Variants in GRAMD2A observed in about 807,000 individuals in gnomAD.
GRAMD2A encodes GRAM domain containing 2A.
In GRAMD2A, 37 loss-of-function variants were observed where a neutral mutation model predicts 51.1. The observed-to-expected ratio is 0.72, with a 90% CI of 0.56 to 0.95. The LOEUF is 0.95. Ranked by LOEUF, GRAMD2A falls within the 40% of genes least tolerant of loss-of-function variation. GRAMD2A has a pLI of 0.00. For synonymous variants in GRAMD2A, 136 were observed against 157.1 expected (o/e 0.87, Z 1.01); for missense variants, 414 against 426.9 (o/e 0.97, Z 0.27).
At position 72,169,860 on chromosome 15, in the gene GRAMD2A, G is replaced by C. The variant is rs1337633818; in HGVS notation, c.121C>G (p.Pro41Ala). 1 of 1,613,088 alleles carries C rather than the reference G, an allele frequency of 6.2e-7. No individual in the cohort carries two copies. Among genetic ancestry groups the C allele is most frequent in the Admixed American group, 1.7e-5 (1 of 60,028 alleles). ...CKEKPDRVEE[P>A]PDYSLHWPEG... ...AGGGGTCCTCACCTGTAGTCCGGGG[G>C]CTCCTCAACTCTGTCTGGTTTCTCT... The change falls in exon 2 of 12, where the codon CCC (proline) becomes GCC (alanine). Residue 41 changes from proline to alanine, a missense_variant. Pro to Ala is a conservative substitution (Grantham distance 27). Transcript: ENST00000309731.
rs1403528786 is a variant in GRAMD2A, at chr15:72,169,615, G to C, written c.134+232C>G. Reference sequence around the variant, plus strand: ...TTGGCCAGGTTGGCCCAGAGCACAGGTGAGCAGGGAGGAGGCTGGAAACCC... The same window carrying C: ...TTGGCCAGGTTGGCCCAGAGCACAGCTGAGCAGGGAGGAGGCTGGAAACCC... On this transcript the variant is annotated intron_variant, in intron 2 of 11. Transcript: ENST00000309731. 5 of 688,202 alleles carry C rather than the reference G, an allele frequency of 7.3e-6. No homozygotes were observed. The East Asian group carries it at 1.4e-4, about 19-fold the overall frequency. The allele number at this position is 688,202 out of a possible 1,614,324, so 42.6% of individuals were successfully genotyped here. A position where few individuals can be genotyped will look rare whatever the true frequency, so the allele number is the denominator to read the frequency against.
chr15:72,175,518 C>G (rs906233973), intron 1 of GRAMD2A, among the ~76,000 whole-genome samples: 4 of 152,226 alleles, frequency 2.6e-5, no homozygotes, highest in Non-Finnish European at 4.4e-5. Context: ...CCCTTCACAC[C>G]TGCGTGCTTT....
At chr15:72,168,460 G>A (rs768000898) in intron 4 of GRAMD2A, 31 bp downstream of exon 4, 11 of 1,563,340 alleles carry the variant, frequency 7.0e-6, no homozygotes, top group Admixed American at 3.3e-5. Context: ...CACTCTGGGT[G>A]CCTAACCAGC....
intron 1 of GRAMD2A, among the ~76,000 whole-genome samples, chr15:72,182,166 A>G (rs946890184): frequency 1.3e-5 from 2 of 152,074 alleles, no homozygotes; most frequent in Admixed American, 1.3e-4. Flanking sequence ...GGAGTTTGAG[A>G]CTAGCCTGGC....
Position 72,163,407 on chromosome 15 carries a change from G to C in GRAMD2A, c.815C>G (p.Pro272Arg), listed in dbSNP as rs772593288. The C allele has an allele frequency of 1.9e-6, 3 of 1,614,156 alleles. No individual in the cohort carries two copies. The South Asian group carries it at 3.3e-5, about 18-fold the overall frequency. ...RWAWPMPGWGPACPKKMPNCS... is the reference protein window; with the variant it reads ...RWAWPMPGWGRACPKKMPNCS... Reference sequence around the variant, plus strand: ...GTTCGGCATCTTCTTAGGGCAGGCAGGACCCCAGCCTGGCATGGGCCATGC... The same window carrying C: ...GTTCGGCATCTTCTTAGGGCAGGCACGACCCCAGCCTGGCATGGGCCATGC... The change falls in exon 10 of 12, where the codon CCT (proline) becomes CGT (arginine). Residue 272 changes from proline to arginine, a missense_variant. Coordinates refer to ENST00000309731, the MANE Select transcript of GRAMD2A (RefSeq NM_001012642.3).
Position 72,161,858 on chromosome 15 carries a change from A to G in GRAMD2A, c.*151T>C, listed in dbSNP as rs1385349186. 2.6e-6 allele frequency: 2 copies of G among 773,864 alleles called. No individual in the cohort carries two copies. Among genetic ancestry groups the G allele is most frequent in the Non-Finnish European group, 4.6e-6 (2 of 439,534 alleles). The allele number at this position is 773,864 out of a possible 1,614,324, so 47.9% of individuals were successfully genotyped here. A position where few individuals can be genotyped will look rare whatever the true frequency, so the allele number is the denominator to read the frequency against. ...TCAGATCTCTCATAGAGGGAAGAGA[A>G]GAGCTGCGGGGAGGAGGAGGGATCT... On this transcript the variant is annotated 3_prime_UTR_variant, in exon 12 of 12. Transcript: ENST00000309731.
chr15:72,180,338 C>G (rs2081687398), intron 1 of GRAMD2A, among the ~76,000 whole-genome samples: 1 of 152,256 alleles, frequency 6.6e-6, no homozygotes, highest in South Asian at 2.1e-4. Flanking sequence ...TTTTTCTTGG[C>G]AGGCCACTTG....
chr15:72,163,515 A>G, intron 9 of GRAMD2A, 39 bp from the exon 10 acceptor site: 1 of 1,605,680 alleles, frequency 6.2e-7, no homozygotes, highest in Non-Finnish European at 8.5e-7. Flanking sequence ...AGCTCTCAGA[A>G]GCCCTGCTGG....
In GRAMD2A at chr15:72,160,329, G is replaced by A. The variant is rs1367729218; in HGVS notation, c.*1680C>T. 2 of 85,312 alleles carry A rather than the reference G, an allele frequency of 2.3e-5. No individual in the cohort carries two copies. The highest frequency in any genetic ancestry group is 1.3e-3 in the South Asian group (2 of 1,500). The allele number at this position is 85,312 out of a possible 1,614,324, so 5.3% of individuals were successfully genotyped here. ...ACGGATGAAAGGGTGAAAGGGGCTG[G>A]TTCCAAAAAAAAAAAAAAAAAAAGG... On this transcript the variant is annotated 3_prime_UTR_variant, in exon 12 of 12. Coordinates refer to ENST00000309731, the MANE Select transcript of GRAMD2A (RefSeq NM_001012642.3).
chr15:72,167,595 C>T (rs1055248614), intron 5 of GRAMD2A, 141 bp downstream of exon 5: 10 of 692,030 alleles, frequency 1.4e-5, no homozygotes, highest in South Asian at 3.3e-5. Flanking sequence ...TGGGATGCCT[C>T]GAAGCTGCGC....
intron 1 of GRAMD2A, among the ~76,000 whole-genome samples, chr15:72,187,417 A>C (rs994707458): frequency 3.3e-5 from 5 of 151,624 alleles, no homozygotes; most frequent in African/African-American, 1.2e-4. Context: ...TGATCATGTC[A>C]CTGCACTCCA....
chr15:72,184,755 A>T (rs1474370237), intron 1 of GRAMD2A, among the ~76,000 whole-genome samples: 1 of 152,246 alleles, frequency 6.6e-6, no homozygotes, highest in Non-Finnish European at 1.5e-5. Context: ...TGCTCTCGCC[A>T]CTGTTATTCA....
intron 1 of GRAMD2A, among the ~76,000 whole-genome samples, chr15:72,193,122 G>A (rs746700449): frequency 1.1e-4 from 16 of 151,510 alleles, no homozygotes; most frequent in South Asian, 2.1e-4. Context: ...GTGACAGTTC[G>A]TCTCAAAAAT....
At chr15:72,186,211 A>C (rs2081733054) in intron 1 of GRAMD2A, among the ~76,000 whole-genome samples, 1 of 152,184 alleles carries the variant, frequency 6.6e-6, no homozygotes, top group Non-Finnish European at 1.5e-5. Flanking sequence ...AAGGATGTGA[A>C]AAATAGTCAT....
Position 72,161,924 on chromosome 15 carries a change from C to T in GRAMD2A, c.*85G>A. 2.1e-6 allele frequency: 3 copies of T among 1,425,368 alleles called. No individual in the cohort carries two copies. Among genetic ancestry groups the T allele is most frequent in the Non-Finnish European group, 9.9e-7 (1 of 1,007,814 alleles). The allele number at this position is 1,425,368 out of a possible 1,614,324, so 88.3% of individuals were successfully genotyped here. On this transcript the variant is annotated 3_prime_UTR_variant, in exon 12 of 12. Transcript: ENST00000309731. ...ATAGGCAGTCTTAGCACAGCAGCAG[C>T]ATAAACCACAGGGATCATTGGTGGA...
At chr15:72,169,252 G>A in intron 2 of GRAMD2A, 1 of 554,762 alleles carries the variant, frequency 1.8e-6, no homozygotes, top group Admixed American at 3.0e-5. Flanking sequence ...CGGGTGAGCA[G>A]CATCTCCTGG....
chr15:72,162,349 A>G lies in GRAMD2A; in HGVS notation c.985T>C (p.Tyr329His), dbSNP rs71395065. 9,355 of 1,614,010 alleles carry G rather than the reference A, an allele frequency of 5.8e-3. 49 individuals are homozygous for G. Among genetic ancestry groups the G allele is most frequent in the Non-Finnish European group, 7.2e-3 (8,550 of 1,179,840 alleles). ...AGCCGAGAAATACGGAACGCCAGGT[A>G]GGATGAGGACATGACCAGGAAGCAG... is the stretch of plus-strand genomic sequence containing the variant. Reference protein sequence around the residue: ...LICFLVMSSSYLAFRISRLEQ... With the variant: ...LICFLVMSSSHLAFRISRLEQ... Residue 329 changes from tyrosine (Y) to histidine (H), a missense_variant, in exon 11 of 12, where the codon TAC becomes CAC. Transcript: ENST00000309731.
intron 7 of GRAMD2A, 85 bp from the exon 8 acceptor site, chr15:72,165,495 A>G: frequency 7.5e-7 from 1 of 1,335,210 alleles, no homozygotes; most frequent in Non-Finnish European, 1.1e-6. Flanking sequence ...TCTCCAAGAG[A>G]GCTTTACCTC....
intron 1 of GRAMD2A, among the ~76,000 whole-genome samples, chr15:72,187,594 A>G (rs979005744): frequency 6.6e-6 from 1 of 152,144 alleles, no homozygotes; most frequent in African/African-American, 2.4e-5. Flanking sequence ...ACTCACTACA[A>G]CCTCTGCCTG....
Sources: gnomAD v4.1 joint callset for allele counts (sites outside exome capture counted in the v4.1 genomes callset) on GRCh38, gnomAD v4.1.1 for gene constraint, MANE v1.5 for transcripts, NCBI Gene and HGNC (gene_info 2026-07-23, HGNC 2026-07-21) for gene names.